ANKRD31: variants seen among roughly 807,000 people sequenced by gnomAD.
ANKRD31 encodes the protein ankyrin repeat domain-containing protein 31.
ANKRD31 carries 147 observed loss-of-function variants against 186.0 expected under a neutral mutation model. The ratio of observed to expected loss-of-function variants is 0.79; its 90% confidence interval spans 0.69 to 0.91. The LOEUF (loss-of-function observed/expected upper bound fraction) is 0.91. Among genes scored for constraint, ANKRD31 ranks in the 40% least tolerant of loss-of-function variants. The pLI is 0.00. For synonymous variants in ANKRD31, 673 were observed against 736.4 expected (o/e 0.91, Z 1.39); for missense variants, 1,986 against 2,148.8 (o/e 0.92, Z 1.50).
chr5:75,180,549 G>T (rs1340915596), intron 10 of ANKRD31, among the ~76,000 whole-genome samples: 1 of 152,030 alleles, frequency 6.6e-6, no homozygotes, highest in Non-Finnish European at 1.5e-5. Context: ...TAGACAAATG[G>T]AACAGAACAG....
intron 9 of ANKRD31, among the ~76,000 whole-genome samples, chr5:75,190,119 A>G (rs1052458886): frequency 1.4e-4 from 22 of 151,944 alleles, no homozygotes; most frequent in African/African-American, 4.8e-4. Context: ...TCCCAGGCTC[A>G]GGTAATTCTC....
chr5:75,105,167 G>A lies in ANKRD31; in HGVS notation c.4392C>T (p.Asn1464=). The part of the protein sequence containing the change: ...KHGALREQLA[N]LAARQKSLLV... Reference sequence around the variant, plus strand: ...AAAGGCTCTTCTGTCTTGCAGCCAAGTTGGCCAATTGTTCTCTCAGGGCTC... The same window carrying A: ...AAAGGCTCTTCTGTCTTGCAGCCAAATTGGCCAATTGTTCTCTCAGGGCTC... Residue 1464 remains asparagine, a synonymous_variant, in exon 22 of 26, where the codon AAC becomes AAT. Coordinates refer to ENST00000506364, the MANE Select transcript of ANKRD31 (RefSeq NM_001372053.1). 1 of 1,535,574 alleles carries A rather than the reference G, an allele frequency of 6.5e-7. No homozygotes were observed. The highest frequency in any genetic ancestry group is 8.7e-7 in the Non-Finnish European group (1 of 1,146,382).
At chr5:75,152,084 T>C (rs1048507610) in intron 12 of ANKRD31, among the ~76,000 whole-genome samples, 2 of 152,066 alleles carry the variant, frequency 1.3e-5, no homozygotes, top group Non-Finnish European at 2.9e-5. Flanking sequence ...TAGGCAGCTC[T>C]CTGAAGAGAG....
intron 11 of ANKRD31, among the ~76,000 whole-genome samples, chr5:75,158,879 CA>C (rs1752385585): frequency 6.6e-6 from 1 of 151,844 alleles, no homozygotes; most frequent in Admixed American, 6.6e-5. Flanking sequence ...AAAAAGCAGC[CA>C]CAGGAACTGC....
chr5:75,141,292 G>C (rs1480066492), intron 15 of ANKRD31, among the ~76,000 whole-genome samples: 1 of 152,058 alleles, frequency 6.6e-6, no homozygotes, highest in Non-Finnish European at 1.5e-5. Context: ...TTGCTCTTTA[G>C]AGATTAGCAA....
In ANKRD31 at chr5:75,068,369, A is replaced by T; in HGVS notation, c.*150T>A. 1 of 684,182 alleles carries T rather than the reference A, an allele frequency of 1.5e-6. No homozygotes were observed. The highest frequency in any genetic ancestry group is 1.9e-5 in the African/African-American group (1 of 53,272). The allele number at this position is 684,182 out of a possible 1,614,324, so 42.4% of individuals were successfully genotyped here. ...AATCTTATATAATTGTTGAACAGTT[A>T]CATACATCTTAAGAACAGTAAACAT... On this transcript the variant is annotated 3_prime_UTR_variant, in exon 26 of 26. Transcript: ENST00000506364.
chr5:75,212,394 C>T (rs538092367), intron 3 of ANKRD31, among the ~76,000 whole-genome samples: 1 of 152,172 alleles, frequency 6.6e-6, no homozygotes, highest in East Asian at 1.9e-4. Flanking sequence ...AGGCAGATAG[C>T]TTGAGCCCAG....
At chr5:75,121,459 C>T (rs1184150632) in intron 17 of ANKRD31, among the ~76,000 whole-genome samples, 1 of 152,056 alleles carries the variant, frequency 6.6e-6, no homozygotes, top group Non-Finnish European at 1.5e-5. Flanking sequence ...ACCAAATGGA[C>T]CCAACAGACA....
chr5:75,098,210 G>C (rs567534109), intron 22 of ANKRD31, among the ~76,000 whole-genome samples: 2 of 152,128 alleles, frequency 1.3e-5, no homozygotes, highest in African/African-American at 4.8e-5. Flanking sequence ...AGCCAGGATG[G>C]TCTCGATCTC....
In ANKRD31 at chr5:75,187,953, CACA is replaced by C. The variant is rs199545286; in HGVS notation, c.1564+537_1564+539del. On this transcript the variant is annotated intron_variant, in intron 10 of 25. Transcript: ENST00000506364. Reference sequence around the variant, plus strand: ...CCTTTAAGGAATCACTCTTCTCTAGCACAACATGTCACATTCTACCCACAGGGA... The same window carrying C: ...CCTTTAAGGAATCACTCTTCTCTAGCACATGTCACATTCTACCCACAGGGA... Among the ~76,000 whole-genome samples the C allele has an allele frequency of 3.7e-4, 57 of 152,278 alleles. No homozygotes were observed. The East Asian group carries it at 0.011, about 28-fold the overall frequency.
Position 75,104,903 on chromosome 5 carries a change from G to A in ANKRD31, c.4656C>T (p.Ser1552=). The part of the protein sequence containing the change: ...TQLSLETWNY[S]QNTNICLNSE... ...AATTTAGACAAATGTTGGTATTTTG[G>A]CTGTAGTTCCAAGTTTCCAGAGACA... Residue 1552 remains serine (S), a synonymous_variant, in exon 22 of 26, where the codon AGC becomes AGT. Transcript: ENST00000506364. 1 of 1,537,160 alleles carries A rather than the reference G, an allele frequency of 6.5e-7. No individual in the cohort carries two copies. The highest frequency in any genetic ancestry group is 8.7e-7 in the Non-Finnish European group (1 of 1,146,872).
chr5:75,090,818 C>T (rs990578804), intron 23 of ANKRD31, among the ~76,000 whole-genome samples: 1 of 152,186 alleles, frequency 6.6e-6, no homozygotes, highest in African/African-American at 2.4e-5. Flanking sequence ...TATCTGAGGG[C>T]CTTAGGCCTC....
In ANKRD31 at chr5:75,196,001, G is replaced by A; in HGVS notation, c.647C>T (p.Ser216Phe). Residue 216 changes from serine (S) to phenylalanine (F), a missense_variant, in exon 7 of 26, where the codon TCT (serine) becomes TTT (phenylalanine). Coordinates refer to ENST00000506364, the MANE Select transcript of ANKRD31 (RefSeq NM_001372053.1). ...TAAGGCAGACACAAAGGTTTCAAGA[G>A]AGCTTTCTTCATCCTTAGTTTCTTC... ...TSEETKDEES[S>F]LETFVSALES... 5 of 1,532,366 alleles carry A rather than the reference G, an allele frequency of 3.3e-6. No homozygotes were observed. The highest frequency in any genetic ancestry group is 4.4e-6 in the Non-Finnish European group (5 of 1,145,184). 94.9% of individuals were successfully genotyped at this position (1,532,366 alleles called of 1,614,324 possible). A position where few individuals can be genotyped will look rare whatever the true frequency, so the allele number is the denominator to read the frequency against.
At chr5:75,192,125 G>A (rs1331488376) in intron 9 of ANKRD31, among the ~76,000 whole-genome samples, 5 of 152,038 alleles carry the variant, frequency 3.3e-5, no homozygotes, top group East Asian at 1.9e-4. Flanking sequence ...CGCTTATATC[G>A]CTGCAGTATT....
At chr5:75,220,095 G>A (rs1374138206) in intron 3 of ANKRD31, among the ~76,000 whole-genome samples, 1 of 152,070 alleles carries the variant, frequency 6.6e-6, no homozygotes, top group African/African-American at 2.4e-5. Context: ...GATTTGATGA[G>A]GAAAATTCCA....
At chr5:75,182,994 G>A (rs147247096) in intron 10 of ANKRD31, among the ~76,000 whole-genome samples, 167 of 152,252 alleles carry the variant, frequency 1.1e-3, no homozygotes, top group African/African-American at 3.8e-3. Flanking sequence ...GATGAACACA[G>A]GGGCAAAATC....
At chr5:75,183,492 T>C (rs902617267) in intron 10 of ANKRD31, among the ~76,000 whole-genome samples, 4 of 152,108 alleles carry the variant, frequency 2.6e-5, no homozygotes, top group Admixed American at 2.0e-4. Flanking sequence ...TGGTTGTGGA[T>C]GATATGGTCT....
chr5:75,131,994 C>T (rs778364840), intron 17 of ANKRD31, among the ~76,000 whole-genome samples: 1 of 152,308 alleles, frequency 6.6e-6, no homozygotes, highest in South Asian at 2.1e-4. Context: ...ACATCCACAC[C>T]AAAACCCCAT....
At chr5:75,138,212 G>A (rs982697515) in intron 16 of ANKRD31, among the ~76,000 whole-genome samples, 1 of 152,078 alleles carries the variant, frequency 6.6e-6, no homozygotes, top group Admixed American at 6.6e-5. Context: ...AATATTTGTT[G>A]ATATAAGTGC....
Sources: allele counts gnomAD v4.1 joint callset (sites outside exome capture counted in the v4.1 genomes callset), GRCh38; gene constraint gnomAD v4.1.1; transcripts MANE v1.5; gene names NCBI Gene and HGNC (gene_info 2026-07-23, HGNC 2026-07-21).